The following PTGR1 variants were observed in gnomAD, a reference collection of about 807,000 sequenced individuals.
PTGR1 encodes 15-oxoprostaglandin 13-reductase.
A neutral mutation model predicts 37.7 loss-of-function variants in PTGR1; 23 were observed. That is an observed-to-expected ratio of 0.61 (90% CI 0.44 to 0.86). The LOEUF is 0.86. Ranked by LOEUF, PTGR1 falls within the 40% of genes least tolerant of loss-of-function variation. PTGR1 has a pLI of 0.00. For synonymous variants in PTGR1, 134 were observed against 140.0 expected, an observed-to-expected ratio of 0.96 and a Z score of 0.30; for missense variants, 351 against 394.3, an observed-to-expected ratio of 0.89 and a Z score of 0.93.
intron 6 of PTGR1, among the ~76,000 whole-genome samples, chr9:111,579,586 C>T (rs1277850226): frequency 2.6e-5 from 4 of 152,028 alleles, no homozygotes; most frequent in Non-Finnish European, 5.9e-5. Flanking sequence ...TTCACAGAGA[C>T]AGGGTCTCAC....
chr9:111,576,594 C>T, intron 7 of PTGR1: 1 of 617,088 alleles, frequency 1.6e-6, no homozygotes, highest in East Asian at 2.9e-5. Flanking sequence ...TCTGAACCTC[C>T]TTTTGTCTTT....
chr9:111,598,763 G>C (rs567744132), intron 1 of PTGR1, among the ~76,000 whole-genome samples: 7 of 152,298 alleles, frequency 4.6e-5, no homozygotes, highest in Non-Finnish European at 7.3e-5. Flanking sequence ...CCATAGTGCT[G>C]GGATTACAGG....
chr9:111,580,713 C>T (rs562041488), intron 6 of PTGR1, among the ~76,000 whole-genome samples: 152 of 151,228 alleles, frequency 1.0e-3, no homozygotes, highest in African/African-American at 3.6e-3. Flanking sequence ...TGAGATCGCA[C>T]CATTGCACTC....
chr9:111,560,825 C>T (rs1156337816), downstream of PTGR1, among the ~76,000 whole-genome samples: 1 of 148,788 alleles, frequency 6.7e-6, no homozygotes, highest in Non-Finnish European at 1.5e-5. Flanking sequence ...TGCCTGTAAT[C>T]CCAGCTACTC....
chr9:111,586,958 C>A (rs1829450809), intron 4 of PTGR1, among the ~76,000 whole-genome samples: 1 of 151,672 alleles, frequency 6.6e-6, no homozygotes, highest in Non-Finnish European at 1.5e-5. Flanking sequence ...ATTATAGGCG[C>A]CCACCACAAC....
intron 8 of PTGR1, among the ~76,000 whole-genome samples, 158 bp downstream of exon 8, chr9:111,574,576 T>TG (rs1268206568): frequency 6.6e-6 from 1 of 150,516 alleles, no homozygotes; most frequent in Non-Finnish European, 1.5e-5. Flanking sequence ...CTCAAACTCC[T>TG]GAGCACTCAC....
chr9:111,589,143 C>T lies in PTGR1; in HGVS notation c.210-2978G>A, dbSNP rs189831446. On this transcript the variant is annotated intron_variant, in intron 4 of 9. Coordinates refer to ENST00000407693, the MANE Select transcript of PTGR1 (RefSeq NM_001146108.2). The stretch of plus-strand genomic sequence containing the variant: ...CTATTATATTTTCAAAAATAGTTTG[C>T]CAATCCAGCAAACACAAATACATGT... 152 of 153,330 alleles carry T rather than the reference C, an allele frequency of 9.9e-4. 1 individual carries two copies. The highest frequency in any genetic ancestry group is 1.7e-3 in the Non-Finnish European group (119 of 69,006). 9.5% of individuals were successfully genotyped at this position (153,330 alleles called of 1,614,324 possible).
intron 8 of PTGR1, among the ~76,000 whole-genome samples, chr9:111,570,689 G>T (rs1828779707): frequency 6.6e-6 from 1 of 152,010 alleles, no homozygotes; most frequent in African/African-American, 2.4e-5. Context: ...TGAGGCAGGA[G>T]AATTGCTTGA....
intron 9 of PTGR1, among the ~76,000 whole-genome samples, chr9:111,556,193 C>A (rs1050324525): frequency 1.3e-5 from 2 of 152,234 alleles, no homozygotes; most frequent in African/African-American, 2.4e-5. Flanking sequence ...CCATAATAAT[C>A]TTTGACTCCA....
chr9:111,589,789 T>C (rs1829551542), intron 4 of PTGR1, among the ~76,000 whole-genome samples: 1 of 151,868 alleles, frequency 6.6e-6, no homozygotes, highest in African/African-American at 2.4e-5. Flanking sequence ...CGCCCACCAC[T>C]GTGCCCAGCT....
intron 9 of PTGR1, among the ~76,000 whole-genome samples, chr9:111,564,534 AGG>A (rs1828466459): frequency 6.6e-6 from 1 of 151,578 alleles, no homozygotes; most frequent in Non-Finnish European, 1.5e-5. Context: ...TCAAAGGCCT[AGG>A]CTCAAGTGAT....
In PTGR1 at chr9:111,549,892, T is replaced by C. The variant is rs891347669; in HGVS notation, c.880-93A>G. ...GTGAGTCAATGTTTGGTCTTCCTCATGTCCATTTTTTGTTGGTTTATTTTG... is the reference window on the plus strand; with the variant it reads ...GTGAGTCAATGTTTGGTCTTCCTCACGTCCATTTTTTGTTGGTTTATTTTG... On this transcript the variant is annotated intron_variant, in intron 9 of 9. Coordinates refer to the PTGR1 transcript ENST00000538962. 17 of 768,550 alleles carry C rather than the reference T, an allele frequency of 2.2e-5. No individual in the cohort carries two copies. The African/African-American group carries it at 2.3e-4, about 11-fold the overall frequency. 47.6% of individuals were successfully genotyped at this position (768,550 alleles called of 1,614,324 possible). A position where few individuals can be genotyped will look rare whatever the true frequency, so the allele number is the denominator to read the frequency against.
At chr9:111,592,704 A>T in intron 4 of PTGR1, 1 of 531,636 alleles carries the variant, frequency 1.9e-6, no homozygotes, top group Non-Finnish European at 3.1e-6. Flanking sequence ...AATTAAAAGT[A>T]AGGATGGCAA....
At chr9:111,592,764 A>T in intron 4 of PTGR1, 162 bp downstream of exon 4, 3 of 937,490 alleles carry the variant, frequency 3.2e-6, no homozygotes, top group Non-Finnish European at 4.5e-6. Context: ...CTTTCCAGCT[A>T]GTTAGGAAGG....
Position 111,597,171 on chromosome 9 carries a change from A to C in PTGR1, c.106+146T>G, listed in dbSNP as rs1829805343. Reference sequence around the variant, plus strand: ...GACCTAAGAAGAACCACCCAGCTTAACTCAGCCCAAATTGCCAACCCAAAG... The same window carrying C: ...GACCTAAGAAGAACCACCCAGCTTACCTCAGCCCAAATTGCCAACCCAAAG... On this transcript the variant is annotated intron_variant, in intron 2 of 9. Transcript: ENST00000407693. 1.1e-5 allele frequency: 7 copies of C among 646,194 alleles called. No individual in the cohort carries two copies. The South Asian group carries it at 1.3e-4, about 12-fold the overall frequency. The allele number at this position is 646,194 out of a possible 1,614,324, so 40.0% of individuals were successfully genotyped here.
downstream of PTGR1, among the ~76,000 whole-genome samples, chr9:111,559,598 T>TCACACA (rs1037774997): frequency 6.7e-6 from 1 of 149,934 alleles, no homozygotes. Context: ...ACACACACAC[T>TCACACA]CACACACACA....
chr9:111,577,235 C>A (rs1238433077), intron 7 of PTGR1: 1 of 152,120 alleles, frequency 6.6e-6, no homozygotes, highest in African/African-American at 2.4e-5. Context: ...TAGGGAAATG[C>A]AAGTCAAACT....
intron 6 of PTGR1, among the ~76,000 whole-genome samples, chr9:111,582,351 T>C (rs928224566): frequency 1.1e-4 from 17 of 152,248 alleles, no homozygotes; most frequent in African/African-American, 1.7e-4. Flanking sequence ...CCTTGTGATT[T>C]AATAGGATAT....
At position 111,549,729 on chromosome 9, in the gene PTGR1, A is replaced by T. The variant is rs532587811; in HGVS notation, c.*44T>A. The T allele has an allele frequency of 3.9e-6, 6 of 1,549,226 alleles. No homozygotes were observed. The Admixed American group carries it at 1.2e-4, about 31-fold the overall frequency. ...AAGTGGACCCTTGCCTTCTAAGGTA[A>T]TGGTGAATGATACATATTCCCTTCA... On this transcript the variant is annotated 3_prime_UTR_variant, in exon 10 of 10. Coordinates refer to the PTGR1 transcript ENST00000538962.
Sources: allele counts gnomAD v4.1 joint callset (sites outside exome capture counted in the v4.1 genomes callset), GRCh38; gene constraint gnomAD v4.1.1; transcripts MANE v1.5; gene names NCBI Gene and HGNC (gene_info 2026-07-23, HGNC 2026-07-21).